Variants in GLB1 observed in about 807,000 individuals in gnomAD.
GLB1 encodes galactosidase beta 1.
A neutral mutation model predicts 74.0 loss-of-function variants in GLB1; 56 were observed. The ratio of observed to expected loss-of-function variants is 0.76; its 90% CI spans 0.61 to 0.94. GLB1 has a LOEUF of 0.94. GLB1 is among the 40% of genes least tolerant of loss of function. The probability of loss-of-function intolerance (pLI) is 0.00; values close to 1 mark genes in which losing one functional copy is unlikely to be tolerated. For missense variants in GLB1, 787 were observed against 845.5 expected, an observed-to-expected ratio of 0.93 and a Z score of 0.86; for synonymous variants, 323 against 323.6, an observed-to-expected ratio of 1.00 and a Z score of 0.02.
At chr3:32,992,445 A>G, downstream of GLB1, among the ~76,000 whole-genome samples, 1 of 152,220 alleles carries the variant, frequency 6.6e-6, no homozygotes, top group African/African-American at 2.4e-5. Flanking sequence ...GTGGTGGAAT[A>G]TGATAGGAAA....
chr3:33,029,056 C>T (rs1196848930), intron 10 of GLB1, among the ~76,000 whole-genome samples: 1 of 152,114 alleles, frequency 6.6e-6, no homozygotes, highest in Non-Finnish European at 1.5e-5. Context: ...CTGTCTATCC[C>T]ATTTACTACA....
chr3:33,075,908 G>A (rs1700084883), intron 1 of GLB1, among the ~76,000 whole-genome samples: 1 of 152,088 alleles, frequency 6.6e-6, no homozygotes, highest in Non-Finnish European at 1.5e-5. Context: ...AGCCGGGCGT[G>A]GTGGTAGGTG....
chr3:33,053,671 C>T, intron 6 of GLB1, 122 bp from the exon 7 acceptor site: 1 of 1,309,900 alleles, frequency 7.6e-7, no homozygotes, highest in South Asian at 1.3e-5. Context: ...AGTATCCCCC[C>T]AAAATTCTCA....
chr3:32,964,591 T>A, the GLB1 span, among the ~76,000 whole-genome samples: 1 of 152,174 alleles, frequency 6.6e-6, no homozygotes, highest in African/African-American at 2.4e-5. Context: ...ACAACAGAAG[T>A]CTGATTGATG....
intron 7 of GLB1, 78 bp downstream of exon 7, chr3:33,053,413 G>A (rs1575453529): frequency 6.2e-7 from 1 of 1,605,808 alleles, no homozygotes; most frequent in Non-Finnish European, 8.5e-7. Context: ...AACATCAAGG[G>A]CCTACTGCCC....
intron 4 of GLB1, among the ~76,000 whole-genome samples, chr3:33,066,027 T>C (rs1437579683): frequency 6.6e-6 from 1 of 151,680 alleles, no homozygotes; most frequent in Non-Finnish European, 1.5e-5. Context: ...GCAGCCTTAT[T>C]ACACCAGGGC....
At chr3:33,094,944 C>T (rs1307967331) in intron 1 of GLB1, among the ~76,000 whole-genome samples, 1 of 152,176 alleles carries the variant, frequency 6.6e-6, no homozygotes, top group East Asian at 1.9e-4. Flanking sequence ...GGCACAGTGG[C>T]TGACGCCTAT....
intron 11 of GLB1, among the ~76,000 whole-genome samples, chr3:33,022,717 G>T (rs1361726658): frequency 1.3e-5 from 2 of 151,644 alleles, no homozygotes; most frequent in African/African-American, 2.4e-5. Flanking sequence ...GTGTCACCAT[G>T]CCTGGCTAAT....
At chr3:33,094,141 T>C (rs1435533349) in intron 1 of GLB1, 1 of 1,613,438 alleles carries the variant, frequency 6.2e-7, no homozygotes, top group Non-Finnish European at 8.5e-7. Flanking sequence ...ACGAAGACAG[T>C]GACAGCAGCC....
chr3:33,001,185 CCTT>C (rs1696551026), intron 15 of GLB1, among the ~76,000 whole-genome samples: 3 of 151,764 alleles, frequency 2.0e-5, no homozygotes, highest in Admixed American at 6.6e-5. Flanking sequence ...TTCTCCTTCT[CCTT>C]CTTCTCTTCT....
chr3:33,046,360 GAC>G, intron 9 of GLB1, 128 bp from the exon 10 acceptor site: 1 of 1,071,524 alleles, frequency 9.3e-7, no homozygotes, highest in Non-Finnish European at 1.4e-6. Context: ...CTTGTTGGGA[GAC>G]ACAGACGTGA....
chr3:33,056,154 G>A (rs1411908165), intron 6 of GLB1, among the ~76,000 whole-genome samples: 2 of 143,958 alleles, frequency 1.4e-5, no homozygotes, highest in Non-Finnish European at 3.0e-5. Flanking sequence ...TTGAACCCAG[G>A]AGGCAGAGGT....
chr3:32,971,872 C>T, the GLB1 span, among the ~76,000 whole-genome samples: 7 of 152,260 alleles, frequency 4.6e-5, no homozygotes, highest in East Asian at 5.8e-4. Context: ...CTGTGGAACA[C>T]GGGCATATCG....
At chr3:33,047,965 A>C (rs555059459) in intron 9 of GLB1, among the ~76,000 whole-genome samples, 2 of 151,524 alleles carry the variant, frequency 1.3e-5, no homozygotes, top group East Asian at 1.9e-4. Context: ...AAAAAAAAAA[A>C]CCCACATCCG....
At chr3:33,023,162 T>C (rs1230146689) in intron 11 of GLB1, among the ~76,000 whole-genome samples, 1 of 152,252 alleles carries the variant, frequency 6.6e-6, no homozygotes, top group African/African-American at 2.4e-5. Context: ...GGTAATAAGC[T>C]AGCTTGGTTT....
intron 15 of GLB1, among the ~76,000 whole-genome samples, chr3:32,997,807 T>A (rs1419794286): frequency 6.6e-6 from 1 of 152,254 alleles, no homozygotes; most frequent in Non-Finnish European, 1.5e-5. Context: ...TTTGTTCTCC[T>A]TTCCCAGAGG....
rs775440094 is a variant in GLB1, at chr3:33,096,969, C to G, written c.75+42G>C. ...CCAGCCCGGTTCCCCGCCAGCCTGT[C>G]CCCTAGCAATGCCTCCCCGTACCCG... On this transcript the variant is annotated intron_variant, in intron 1 of 15. Coordinates refer to ENST00000307363, the MANE Select transcript of GLB1 (RefSeq NM_000404.4). The G allele has an allele frequency of 6.9e-6, 11 of 1,603,926 alleles. No individual in the cohort carries two copies. The African/African-American group carries it at 1.1e-4, about 16-fold the overall frequency.
At chr3:32,982,606 C>T in the GLB1 span, among the ~76,000 whole-genome samples, 2 of 152,034 alleles carry the variant, frequency 1.3e-5, no homozygotes, top group Admixed American at 6.6e-5. Context: ...GTAATTTATG[C>T]AATTACAATG....
In GLB1 at chr3:33,045,662, C is replaced by T. The variant is rs1392821227; in HGVS notation, c.1068+458G>A. On this transcript the variant is annotated intron_variant, in intron 10 of 15. Coordinates refer to ENST00000307363, the MANE Select transcript of GLB1 (RefSeq NM_000404.4). ...CTCTTTTGATATTGAAGTACATTAGCTGTGTCTCAAGGATAGGGGCTCCCA... is the reference window on the plus strand; with the variant it reads ...CTCTTTTGATATTGAAGTACATTAGTTGTGTCTCAAGGATAGGGGCTCCCA... 20 of 1,009,296 alleles carry T rather than the reference C, an allele frequency of 2.0e-5. No individual in the cohort carries two copies. In the East Asian group the frequency reaches 2.7e-4, roughly 14 times the overall value. 62.5% of individuals were successfully genotyped at this position (1,009,296 alleles called of 1,614,324 possible).
Sources: allele counts gnomAD v4.1 joint callset (sites outside exome capture counted in the v4.1 genomes callset), GRCh38; gene constraint gnomAD v4.1.1; transcripts MANE v1.5; gene names NCBI Gene and HGNC (gene_info 2026-07-23, HGNC 2026-07-21).